The following SERPINE3 variants were observed in gnomAD, a reference collection of about 807,000 sequenced individuals.
The protein encoded by SERPINE3 is serpin E3.
SERPINE3 carries 43 observed loss-of-function variants against 41.7 expected under a neutral mutation model. The observed-to-expected ratio is 1.03, with a 90% CI of 0.81 to 1.33. The LOEUF (loss-of-function observed/expected upper bound fraction) is 1.33, where lower values mean the gene tolerates loss of function less well. SERPINE3 is among the 40% of genes most tolerant of loss of function. SERPINE3 has a pLI of 0.00. For missense variants in SERPINE3, 440 were observed against 491.7 expected (o/e 0.89, Z 0.99); for synonymous variants, 200 against 192.2 (o/e 1.04, Z -0.34).
In SERPINE3 at chr13:51,343,821, T is replaced by C. The variant is rs184223234; in HGVS notation, c.257-431T>C. ...CAACATCCTGGCCACCTCCCATCAT[T>C]GTCACTGTAACATTGCACATAAATC... On this transcript the variant is annotated intron_variant, in intron 3 of 9. Transcript: ENST00000681248. Among the ~76,000 whole-genome samples the C allele has an allele frequency of 3.7e-3, 569 of 152,344 alleles. 3 individuals are homozygous for C. Among genetic ancestry groups the C allele is most frequent in the Non-Finnish European group, 6.8e-3 (462 of 68,024 alleles).
intron 7 of SERPINE3, among the ~76,000 whole-genome samples, chr13:51,358,760 G>A (rs1217080528): frequency 6.6e-6 from 1 of 152,084 alleles, no homozygotes; most frequent in Non-Finnish European, 1.5e-5. Context: ...TGTTATGGAA[G>A]AAGAGTGGAG....
intron 7 of SERPINE3, among the ~76,000 whole-genome samples, chr13:51,358,944 C>G (rs998215698): frequency 6.6e-6 from 1 of 150,614 alleles, no homozygotes; most frequent in East Asian, 1.9e-4. Context: ...TATGGTTAAA[C>G]GCTATGTATT....
At chr13:51,364,159 AT>A (rs2137840688) in intron 9 of SERPINE3, 79 bp from the exon 10 acceptor site, 2 of 638,010 alleles carry the variant, frequency 3.1e-6, no homozygotes, top group East Asian at 6.0e-5. Context: ...ACTTAAAAGT[AT>A]TTGTATAGAA....
At chr13:51,358,739 C>A (rs1180304567) in intron 7 of SERPINE3, among the ~76,000 whole-genome samples, 1 of 151,954 alleles carries the variant, frequency 6.6e-6, no homozygotes, top group African/African-American at 2.4e-5. Flanking sequence ...AAGGTAAAAA[C>A]CCATAGAAGA....
rs143842950 is a variant in SERPINE3 at position 51,360,087 on chromosome 13, G to T, written c.1001-1191G>T. ...CATCTTACAAGATGGATGGAATGCC[G>T]CATATTCTTTATTTTGGTCTGGTTT... On this transcript the variant is annotated intron_variant, in intron 7 of 9. Coordinates refer to ENST00000681248, the MANE Select transcript of SERPINE3 (RefSeq NM_001386375.1). Among the ~76,000 whole-genome samples, 663 of 152,152 alleles carry T rather than the reference G, an allele frequency of 4.4e-3. 6 individuals are homozygous for T. The highest frequency in any genetic ancestry group is 0.015 in the African/African-American group (622 of 41,512).
chr13:51,343,779 A>G (rs776801629), intron 3 of SERPINE3, among the ~76,000 whole-genome samples: 1 of 152,202 alleles, frequency 6.6e-6, no homozygotes, highest in African/African-American at 2.4e-5. Context: ...AGCCCCGTAC[A>G]AGACATATTG....
chr13:51,345,592 C>CAAAAAAAAAAA (rs753888958), intron 4 of SERPINE3, among the ~76,000 whole-genome samples: 1 of 37,016 alleles, frequency 2.7e-5, no homozygotes. Flanking sequence ...GATTTCATCT[C>CAAAAAAAAAAA]AAAAAAAAAA....
chr13:51,342,417 G>T (rs987906199), intron 3 of SERPINE3, among the ~76,000 whole-genome samples: 3 of 152,108 alleles, frequency 2.0e-5, no homozygotes, highest in African/African-American at 4.8e-5. Context: ...CAATTCACAG[G>T]ACTGTCAAAA....
At position 51,341,123 on chromosome 13, in the gene SERPINE3, T is replaced by C; in HGVS notation, c.32T>C (p.Phe11Ser). ...CCTTTCCTGATCACCCTCTTCCTCT[T>C]TCACTCTTGCTGCCTCCGAGCAAAT... MPPFLITLFL[F>S]HSCCLRANGH... Residue 11 changes from phenylalanine to serine, a missense_variant, in exon 3 of 10, where the codon TTT (phenylalanine) becomes TCT (serine). By Grantham distance (155) the Phe-to-Ser change is radical. Coordinates refer to ENST00000681248, the MANE Select transcript of SERPINE3 (RefSeq NM_001386375.1). 1.2e-6 allele frequency: 2 copies of C among 1,614,012 alleles called. No homozygotes were observed. Among genetic ancestry groups the C allele is most frequent in the Non-Finnish European group, 8.5e-7 (1 of 1,179,872 alleles).
rs752827577 is a variant in SERPINE3, at chr13:51,347,073, G to A, written c.539G>A (p.Ser180Asn). The change falls in exon 5 of 10, where the codon AGT becomes AAT. Residue 180 changes from serine to asparagine, a missense_variant. Transcript: ENST00000681248. ...GGTGGCTGGCCGTGGGAGCAAGTCAGTGCAGCATTTGCTCAGCTTGTGCTT... is the reference window on the plus strand; with the variant it reads ...GGTGGCTGGCCGTGGGAGCAAGTCAATGCAGCATTTGCTCAGCTTGTGCTT... ...GPGGWPWEQV[S>N]AAFAQLVLVS... 3.2e-5 allele frequency: 51 copies of A among 1,604,066 alleles called. No individual in the cohort carries two copies. The highest frequency in any genetic ancestry group is 4.1e-5 in the Non-Finnish European group (48 of 1,175,334).
intron 4 of SERPINE3, among the ~76,000 whole-genome samples, chr13:51,345,967 C>T (rs1955342221): frequency 6.6e-6 from 1 of 152,182 alleles, no homozygotes; most frequent in African/African-American, 2.4e-5. Context: ...TCAATGCAAT[C>T]CACATTGCAT....
intron 6 of SERPINE3, chr13:51,348,625 G>T: frequency 2.4e-6 from 1 of 417,552 alleles, no homozygotes; most frequent in Non-Finnish European, 4.0e-6. Flanking sequence ...AGACTGAAAT[G>T]AACTAACTTC....
intron 1 of SERPINE3, among the ~76,000 whole-genome samples, chr13:51,340,498 G>C (rs570561818): frequency 3.6e-4 from 54 of 152,098 alleles, no homozygotes; most frequent in Admixed American, 5.2e-4. Flanking sequence ...TAGAAGACCA[G>C]GATTTGAGTC....
chr13:51,359,737 C>G (rs980210363), intron 7 of SERPINE3, among the ~76,000 whole-genome samples: 1 of 152,058 alleles, frequency 6.6e-6, no homozygotes, highest in African/African-American at 2.4e-5. Context: ...CATGAAGTCT[C>G]GGAGATTAGT....
At position 51,341,318 on chromosome 13, in the gene SERPINE3, T is replaced by C; in HGVS notation, c.227T>C (p.Leu76Pro). 1.9e-6 allele frequency: 3 copies of C among 1,609,326 alleles called. No individual in the cohort carries two copies. The highest frequency in any genetic ancestry group is 1.1e-5 in the South Asian group (1 of 90,260). Residue 76 changes from leucine (L) to proline (P), a missense_variant, in exon 3 of 10, where the codon CTG becomes CCG. Physicochemically the swap from Leu to Pro is moderately conservative, Grantham distance 98. Coordinates refer to ENST00000681248, the MANE Select transcript of SERPINE3 (RefSeq NM_001386375.1). ...GCAGAAGGGAGCACTGGTCAGCAGC[T>C]GGCAGATGCCCTGGGGTACACTGTC... is the stretch of plus-strand genomic sequence containing the variant. ...FGAEGSTGQQ[L>P]ADALGYTVHD...
At position 51,344,403 on chromosome 13, in the gene SERPINE3, C is replaced by T; in HGVS notation, c.408C>T (p.Asn136=). The T allele has an allele frequency of 1.2e-6, 2 of 1,611,806 alleles. No individual in the cohort carries two copies. Among genetic ancestry groups the T allele is most frequent in the Non-Finnish European group, 1.7e-6 (2 of 1,178,948 alleles). ...CFVEHVSWWA[N]SSLEPADLSE... ...TGGAGCACGTCTCCTGGTGGGCTAACAGCAGCCTGGAACCAGCCGACCTCA... is the reference window on the plus strand; with the variant it reads ...TGGAGCACGTCTCCTGGTGGGCTAATAGCAGCCTGGAACCAGCCGACCTCA... Residue 136 remains asparagine, a synonymous_variant, in exon 4 of 10, where the codon AAC becomes AAT. Coordinates refer to ENST00000681248, the MANE Select transcript of SERPINE3 (RefSeq NM_001386375.1).
Position 51,361,821 on chromosome 13 carries a change from T to C in SERPINE3, c.1099T>C (p.Leu367=), listed in dbSNP as rs751429961. Residue 367 remains leucine (L), a synonymous_variant, in exon 9 of 10, where the codon TTG becomes CTG. Transcript: ENST00000681248. ...TTTCTTTCCTGCAGCTCTGTTGTTATTGAAAAGGTCTCGGATTCCTATTTT... is the reference window on the plus strand; with the variant it reads ...TTTCTTTCCTGCAGCTCTGTTGTTACTGAAAAGGTCTCGGATTCCTATTTT... ...KASGATALLL[L]KRSRIPIFKA... is the part of the protein sequence containing the mutation. The C allele has an allele frequency of 1.7e-5, 28 of 1,605,362 alleles. No individual in the cohort carries two copies. The highest frequency in any genetic ancestry group is 2.2e-5 in the South Asian group (2 of 89,010).
At chr13:51,352,169 A>G (rs1214157963) in intron 6 of SERPINE3, among the ~76,000 whole-genome samples, 1 of 152,052 alleles carries the variant, frequency 6.6e-6, no homozygotes, top group African/African-American at 2.4e-5. Context: ...TTAGACAGGG[A>G]TTGTGTTGAA....
At chr13:51,354,861 G>A (rs1378164192) in intron 6 of SERPINE3, among the ~76,000 whole-genome samples, 182 bp from the exon 7 acceptor site, 1 of 152,192 alleles carries the variant, frequency 6.6e-6, no homozygotes, top group Non-Finnish European at 1.5e-5. Flanking sequence ...GTACAGAGGT[G>A]GGGAAGAGCC....
Sources: allele counts gnomAD v4.1 joint callset (sites outside exome capture counted in the v4.1 genomes callset), GRCh38; gene constraint gnomAD v4.1.1; transcripts MANE v1.5; gene names NCBI Gene and HGNC (gene_info 2026-07-23, HGNC 2026-07-21).